The following TENM3 variants were observed in gnomAD, a reference collection of about 807,000 sequenced individuals.
The protein encoded by TENM3 is teneurin-3.
Under a neutral mutation model 255.1 loss-of-function variants are expected in TENM3, and 63 were observed. The observed-to-expected ratio is 0.25, with a 90% CI of 0.20 to 0.30. The LOEUF is 0.30. Among genes scored for constraint, TENM3 ranks in the 10% least tolerant of loss-of-function variants. The probability of loss-of-function intolerance (pLI) is 1.00; values close to 1 mark genes in which losing one functional copy is unlikely to be tolerated. For missense variants in TENM3, 2,929 were observed against 3,461.1 expected (o/e 0.85, Z 3.86); for synonymous variants, 1,306 against 1,322.3 (o/e 0.99, Z 0.27).
intron 3 of TENM3, among the ~76,000 whole-genome samples, chr4:182,351,359 C>T (rs780718051): frequency 2.0e-5 from 3 of 152,206 alleles, no homozygotes; most frequent in African/African-American, 7.2e-5. Flanking sequence ...AGCCAGGCAT[C>T]TATTGTTTTT....
At chr4:181,864,054 C>A in the TENM3 span, among the ~76,000 whole-genome samples, 2 of 152,102 alleles carry the variant, frequency 1.3e-5, no homozygotes, top group African/African-American at 4.8e-5. Context: ...GCAAGGCTCT[C>A]GGGCATGAGG....
chr4:182,350,634 T>G (rs1389828187), intron 3 of TENM3, among the ~76,000 whole-genome samples: 3 of 152,172 alleles, frequency 2.0e-5, no homozygotes, highest in Admixed American at 6.5e-5. Flanking sequence ...GAATTCTCAG[T>G]GTGCTCTGGT....
At chr4:181,564,146 T>C in the TENM3 span, among the ~76,000 whole-genome samples, 3 of 151,144 alleles carry the variant, frequency 2.0e-5, no homozygotes, top group Non-Finnish European at 4.4e-5. Context: ...ATTCAAGTGA[T>C]TCTCCTGCCT....
chr4:181,791,502 T>C, the TENM3 span, among the ~76,000 whole-genome samples: 1 of 152,244 alleles, frequency 6.6e-6, no homozygotes, highest in Non-Finnish European at 1.5e-5. Context: ...TTTATTGTGC[T>C]TTCTGGACAT....
intron 6 of TENM3, among the ~76,000 whole-genome samples, chr4:182,666,188 G>A (rs35682072): frequency 0.019 from 2,927 of 152,272 alleles, 36 homozygotes; most frequent in Non-Finnish European, 0.031. Context: ...AGCAAAGAAA[G>A]TGGGTATTTG....
the TENM3 span, among the ~76,000 whole-genome samples, chr4:181,647,399 G>A: frequency 1.3e-5 from 2 of 152,204 alleles, no homozygotes; most frequent in Non-Finnish European, 2.9e-5. Flanking sequence ...CATGGCAGCA[G>A]CTCTAGGAGA....
chr4:182,725,042 T>A (rs960375443), intron 13 of TENM3, among the ~76,000 whole-genome samples: 1 of 150,862 alleles, frequency 6.6e-6, no homozygotes. Context: ...ATTTTTTGGT[T>A]TGTTTGTTGT....
chr4:181,932,228 G>A, the TENM3 span, among the ~76,000 whole-genome samples: 1 of 152,118 alleles, frequency 6.6e-6, no homozygotes, highest in Non-Finnish European at 1.5e-5. Context: ...AGAGTGAACA[G>A]GCAGCCTACA....
chr4:182,505,638 C>A (rs961710018), intron 3 of TENM3, among the ~76,000 whole-genome samples: 3 of 152,008 alleles, frequency 2.0e-5, no homozygotes, highest in Non-Finnish European at 4.4e-5. Flanking sequence ...ACTACCACGC[C>A]CGGCTATTTT....
chr4:181,642,628 ATTTTGAGTTAAT>A, the TENM3 span, among the ~76,000 whole-genome samples: 2 of 152,126 alleles, frequency 1.3e-5, no homozygotes, highest in African/African-American at 2.4e-5. Context: ...TCTTTAATCC[ATTTTGAGTTAAT>A]TTTTGAGTTA....
chr4:181,992,470 T>C, the TENM3 span, among the ~76,000 whole-genome samples: 1 of 152,182 alleles, frequency 6.6e-6, no homozygotes, highest in East Asian at 1.9e-4. Context: ...GAAGAATTAC[T>C]ATGAATGCCA....
At position 182,585,538 on chromosome 4, in the gene TENM3, C is replaced by T. The variant is rs77784708; in HGVS notation, c.512-15386C>T. Among the ~76,000 whole-genome samples, 175 of 152,280 alleles carry T rather than the reference C, an allele frequency of 1.1e-3. 2 individuals carry two copies. In the East Asian group the frequency reaches 0.032, roughly 28 times the overall value. On this transcript the variant is annotated intron_variant, in intron 3 of 27. Coordinates refer to ENST00000511685, the MANE Select transcript of TENM3 (RefSeq NM_001080477.4). ...TGCTCCCCTGCTGTCTGCCTCGCCT[C>T]AGCAAGAAAACAGCCATCTGCAAGC...
At chr4:181,941,005 T>C in the TENM3 span, among the ~76,000 whole-genome samples, 6 of 152,234 alleles carry the variant, frequency 3.9e-5, no homozygotes, top group African/African-American at 1.2e-4. Context: ...AAATCAATTA[T>C]TTATTCATGG....
chr4:182,338,470 G>A (rs1764277477), intron 2 of TENM3, among the ~76,000 whole-genome samples: 1 of 152,116 alleles, frequency 6.6e-6, no homozygotes, highest in South Asian at 2.1e-4. Context: ...CTTAGATATA[G>A]ACTACTTATT....
chr4:182,605,758 A>C (rs1748358821), intron 4 of TENM3, among the ~76,000 whole-genome samples: 1 of 152,206 alleles, frequency 6.6e-6, no homozygotes, highest in Non-Finnish European at 1.5e-5. Context: ...AGGATAATTG[A>C]GGAAGCTATT....
the TENM3 span, among the ~76,000 whole-genome samples, chr4:181,896,011 T>G: frequency 6.6e-6 from 1 of 152,202 alleles, no homozygotes; most frequent in African/African-American, 2.4e-5. Context: ...ACATTCCCCC[T>G]GCTAATTGCT....
chr4:182,006,962 T>C, the TENM3 span, among the ~76,000 whole-genome samples: 2 of 152,204 alleles, frequency 1.3e-5, no homozygotes, highest in African/African-American at 4.8e-5. Context: ...AACTTCTTGA[T>C]GTCTGCCTTA....
At chr4:181,761,541 T>C in the TENM3 span, among the ~76,000 whole-genome samples, 2 of 152,172 alleles carry the variant, frequency 1.3e-5, no homozygotes, top group South Asian at 2.1e-4. Flanking sequence ...GATTTCAACC[T>C]ACTTCTCCAC....
intron 6 of TENM3, among the ~76,000 whole-genome samples, chr4:182,661,192 ATTTTTTT>A (rs35208231): frequency 1.1e-5 from 1 of 88,594 alleles, no homozygotes; most frequent in Non-Finnish European, 2.0e-5. Flanking sequence ...TTAAATTTTA[ATTTTTTT>A]TTTTTTTTTT....
Sources: allele counts gnomAD v4.1 joint callset (sites outside exome capture counted in the v4.1 genomes callset), GRCh38; gene constraint gnomAD v4.1.1; transcripts MANE v1.5; gene names NCBI Gene and HGNC (gene_info 2026-07-23, HGNC 2026-07-21).